Variants in SCLT1 observed in about 807,000 individuals in gnomAD.
The protein encoded by SCLT1 is sodium channel and clathrin linker 1.
SCLT1 carries 78 observed loss-of-function variants against 112.8 expected under a neutral mutation model. The observed-to-expected ratio is 0.69, with a 90% CI of 0.58 to 0.83. The LOEUF (loss-of-function observed/expected upper bound fraction) is 0.83, where lower values mean the gene tolerates loss of function less well. Among genes scored for constraint, SCLT1 ranks in the 40% least tolerant of loss-of-function variants. The probability of loss-of-function intolerance (pLI) is 0.00; values close to 1 mark genes in which losing one functional copy is unlikely to be tolerated. For missense variants in SCLT1, 747 were observed against 770.4 expected, an observed-to-expected ratio of 0.97 and a Z score of 0.36; for synonymous variants, 257 against 254.7, an observed-to-expected ratio of 1.01 and a Z score of -0.09.
chr4:128,959,885 G>T, intron 11 of SCLT1, 108 bp from the exon 12 acceptor site: 1 of 797,816 alleles, frequency 1.3e-6, no homozygotes, highest in Non-Finnish European at 2.0e-6. Flanking sequence ...ACTTTCACAT[G>T]TATTAATATT....
intron 16 of SCLT1, among the ~76,000 whole-genome samples, chr4:128,945,553 A>T (rs899164180): frequency 3.9e-5 from 6 of 152,162 alleles, no homozygotes; most frequent in South Asian, 4.1e-4. Flanking sequence ...TTGCTATATT[A>T]GGTAATACCG....
chr4:129,021,180 AAG>A (rs1444312217), intron 5 of SCLT1, among the ~76,000 whole-genome samples: 2 of 152,080 alleles, frequency 1.3e-5, no homozygotes, highest in African/African-American at 2.4e-5. Context: ...CAGCCAAGGA[AAG>A]CTGTGAGGGA....
At chr4:128,937,560 TTA>T (rs1737317544) in intron 17 of SCLT1, among the ~76,000 whole-genome samples, 1 of 152,188 alleles carries the variant, frequency 6.6e-6, no homozygotes, top group East Asian at 1.9e-4. Context: ...CACTTTTGAC[TTA>T]CATACTAAAT....
At chr4:129,080,997 G>A (rs6829335) in intron 2 of SCLT1, among the ~76,000 whole-genome samples, 1 of 152,054 alleles carries the variant, frequency 6.6e-6, no homozygotes, top group Non-Finnish European at 1.5e-5. Context: ...TTTATGCCCC[G>A]AGAGCATAAC....
At position 128,943,301 on chromosome 4, in the gene SCLT1, T is replaced by C. The variant is rs1737868712; in HGVS notation, c.1440-113A>G. The C allele has an allele frequency of 1.1e-5, 8 of 704,430 alleles. 1 individual carries two copies. In the East Asian group the frequency reaches 2.3e-4, roughly 20 times the overall value. 43.6% of individuals were successfully genotyped at this position (704,430 alleles called of 1,614,324 possible). ...TTTTGTTTGCTTTATTCTGAGCCATTTCTTTCCACTTTAGACTGAAACTAT... is the reference window on the plus strand; with the variant it reads ...TTTTGTTTGCTTTATTCTGAGCCATCTCTTTCCACTTTAGACTGAAACTAT... On this transcript the variant is annotated intron_variant, in intron 16 of 20. Coordinates refer to ENST00000281142, the MANE Select transcript of SCLT1 (RefSeq NM_144643.4).
intron 18 of SCLT1, among the ~76,000 whole-genome samples, chr4:128,915,791 T>A (rs1284034300): frequency 2.6e-5 from 4 of 152,222 alleles, no homozygotes; most frequent in African/African-American, 4.8e-5. Flanking sequence ...TTTTAAGAGC[T>A]AGGGATACAG....
chr4:129,017,942 T>C (rs1356149457), intron 5 of SCLT1, among the ~76,000 whole-genome samples: 4 of 152,260 alleles, frequency 2.6e-5, no homozygotes, highest in Non-Finnish European at 5.9e-5. Flanking sequence ...TTTGCTACAT[T>C]GGTCACAATT....
intron 17 of SCLT1, among the ~76,000 whole-genome samples, chr4:128,941,378 TTTTAA>T (rs1218844972): frequency 6.6e-6 from 1 of 152,114 alleles, no homozygotes; most frequent in Non-Finnish European, 1.5e-5. Flanking sequence ...TATCTTGTAG[TTTTAA>T]TTTAAATTCT....
At chr4:128,881,241 CTT>C (rs748925027), downstream of SCLT1, among the ~76,000 whole-genome samples, 40 of 152,050 alleles carry the variant, frequency 2.6e-4, 1 homozygote, top group South Asian at 8.3e-4. Context: ...ACTAGACAAA[CTT>C]AATTATTTTT....
At chr4:128,922,661 G>A (rs1735974233) in intron 18 of SCLT1, among the ~76,000 whole-genome samples, 1 of 152,148 alleles carries the variant, frequency 6.6e-6, no homozygotes, top group South Asian at 2.1e-4. Context: ...GAGGGTGGGA[G>A]TAGGGAGATG....
At position 129,044,016 on chromosome 4, in the gene SCLT1, A is replaced by T; in HGVS notation, c.138T>A (p.Phe46Leu). 6.4e-7 allele frequency: 1 copy of T among 1,561,576 alleles called. No individual in the cohort carries two copies. Among genetic ancestry groups the T allele is most frequent in the Non-Finnish European group, 8.8e-7 (1 of 1,137,776 alleles). Reference sequence around the variant, plus strand: ...ACCTTTGGTCAAATACTAGGTTTTCAAATGTGTCGTCTCCTTCTCCTTGGC... The same window carrying T: ...ACCTTTGGTCAAATACTAGGTTTTCTAATGTGTCGTCTCCTTCTCCTTGGC... ...AVCQGEGDDT[F>L]ENLVFDQSFL... Residue 46 changes from phenylalanine (F) to leucine (L), a missense_variant, in exon 3 of 21, where the codon TTT becomes TTA. Physicochemically the swap from Phe to Leu is conservative, Grantham distance 22. Around this residue, in one of 2 missense-constraint regions of SCLT1, gnomAD observed 723 missense variants for 721.3 expected, o/e 1.00. Coordinates refer to ENST00000281142, the MANE Select transcript of SCLT1 (RefSeq NM_144643.4).
At chr4:128,933,740 T>C (rs1429513061) in intron 18 of SCLT1, among the ~76,000 whole-genome samples, 2 of 152,136 alleles carry the variant, frequency 1.3e-5, no homozygotes, top group Non-Finnish European at 2.9e-5. Context: ...CCAATTCCAA[T>C]TTAGAACTAC....
chr4:129,078,994 C>T (rs578028961), intron 2 of SCLT1, among the ~76,000 whole-genome samples: 1 of 152,148 alleles, frequency 6.6e-6, no homozygotes, highest in Non-Finnish European at 1.5e-5. Flanking sequence ...GGAGGTACTA[C>T]CCATTTATAA....
chr4:128,955,679 T>C (rs1270852514), intron 13 of SCLT1, among the ~76,000 whole-genome samples: 3 of 152,200 alleles, frequency 2.0e-5, no homozygotes, highest in East Asian at 3.8e-4. Flanking sequence ...ATGCTAAAAA[T>C]AGTGCTATCT....
At chr4:128,932,677 G>A (rs948279626) in intron 18 of SCLT1, among the ~76,000 whole-genome samples, 1 of 152,062 alleles carries the variant, frequency 6.6e-6, no homozygotes, top group Non-Finnish European at 1.5e-5. Context: ...AATTGTCCCT[G>A]TTTGCAAATG....
At chr4:128,988,508 A>G (rs911785314) in intron 9 of SCLT1, among the ~76,000 whole-genome samples, 1 of 152,016 alleles carries the variant, frequency 6.6e-6, no homozygotes, top group Admixed American at 6.6e-5. Context: ...AAAAGCCAAG[A>G]AATTAAAATA....
chr4:128,903,501 T>G (rs1734478482), intron 18 of SCLT1, among the ~76,000 whole-genome samples: 1 of 152,172 alleles, frequency 6.6e-6, no homozygotes, highest in African/African-American at 2.4e-5. Context: ...TAATCCTTAT[T>G]TGCTCAAGAT....
chr4:128,891,643 CTT>C (rs5861870), intron 18 of SCLT1, among the ~76,000 whole-genome samples: 290 of 119,488 alleles, frequency 2.4e-3, no homozygotes, highest in Middle Eastern at 0.014. Context: ...CTATAATATG[CTT>C]TTTTTTTTTT....
intron 16 of SCLT1, among the ~76,000 whole-genome samples, chr4:128,943,593 C>T (rs946543476): frequency 2.0e-5 from 3 of 152,088 alleles, no homozygotes; most frequent in Non-Finnish European, 4.4e-5. Context: ...CAATAGCTGA[C>T]TATATTACTA....
Sources: gnomAD v4.1 joint callset for allele counts (sites outside exome capture counted in the v4.1 genomes callset) on GRCh38, gnomAD v4.1.1 for gene constraint, gnomAD v4.1.1 regional missense constraint, MANE v1.5 for transcripts, NCBI Gene and HGNC (gene_info 2026-07-23, HGNC 2026-07-21) for gene names.